TCEA2: variants seen among roughly 807,000 people sequenced by gnomAD.
TCEA2 encodes the protein transcription elongation factor A protein 2.
A neutral mutation model predicts 40.8 loss-of-function variants in TCEA2; 21 were observed. The ratio of observed to expected loss-of-function variants is 0.51; its 90% CI spans 0.36 to 0.74. The LOEUF (loss-of-function observed/expected upper bound fraction) is 0.74. Ranked by LOEUF, TCEA2 falls within the 30% of genes least tolerant of loss-of-function variation. TCEA2 has a pLI of 0.00. For missense variants in TCEA2, 326 were observed against 426.5 expected, an observed-to-expected ratio of 0.76 and a Z score of 2.08; for synonymous variants, 165 against 162.7, an observed-to-expected ratio of 1.01 and a Z score of -0.11.
At chr20:64,069,580 C>G in intron 5 of TCEA2, 89 bp downstream of exon 5, 1 of 1,559,826 alleles carries the variant, frequency 6.4e-7, no homozygotes, top group Non-Finnish European at 8.7e-7. Context: ...CTGCTTCCAG[C>G]GGGGTGACTG....
intron 1 of TCEA2, 47 bp downstream of exon 1, chr20:64,063,431 G>C (rs971125787): frequency 6.5e-7 from 1 of 1,536,452 alleles, no homozygotes; most frequent in Non-Finnish European, 8.8e-7. Context: ...GCCCCGCCGA[G>C]ACCCCGTCGA....
Position 64,063,242 on chromosome 20 carries a change from G to C in TCEA2, c.-71G>C, listed in dbSNP as rs1012612908. The C allele has an allele frequency of 7.3e-7, 1 of 1,365,294 alleles. No homozygotes were observed. Among genetic ancestry groups the C allele is most frequent in the Non-Finnish European group, 9.5e-7 (1 of 1,052,324 alleles). The allele number at this position is 1,365,294 out of a possible 1,614,324, so 84.6% of individuals were successfully genotyped here. ...TGCGGCGGGTGTGGGAGGTGGCGAC[G>C]GCCGGGGCCGGGGTCCTGCCCGGCT... On this transcript the variant is annotated 5_prime_UTR_variant, in exon 1 of 10. Coordinates refer to ENST00000343484, the MANE Select transcript of TCEA2 (RefSeq NM_003195.6).
upstream of TCEA2, chr20:64,063,196 C>T (rs2145452606): frequency 1.1e-6 from 1 of 927,450 alleles, no homozygotes. Context: ...GGTCTGTCGT[C>T]CGCGGCGGGG....
chr20:64,062,921 C>T (rs551475911), upstream of TCEA2: 70 of 158,878 alleles, frequency 4.4e-4, no homozygotes, highest in African/African-American at 1.6e-3. Context: ...GGAGCAGATT[C>T]CTGGGCCTCC....
chr20:64,069,307 G>C, intron 4 of TCEA2, 54 bp from the exon 5 acceptor site: 1 of 1,518,028 alleles, frequency 6.6e-7, no homozygotes. Flanking sequence ...CCAGTGTCTC[G>C]CTGGGGTGCC....
At chr20:64,058,690 G>T (rs1340347324), upstream of TCEA2, among the ~76,000 whole-genome samples, 1 of 152,220 alleles carries the variant, frequency 6.6e-6, no homozygotes, top group African/African-American at 2.4e-5. This position sits in a 1 kb window ranked among gnomAD's most constrained non-coding sequence, Gnocchi z 6.7. Flanking sequence ...CTTAAAGTGT[G>T]ATATCAAAAC....
At chr20:64,071,051 T>C (rs960719507) in intron 8 of TCEA2, among the ~76,000 whole-genome samples, 1 of 152,142 alleles carries the variant, frequency 6.6e-6, no homozygotes, top group Non-Finnish European at 1.5e-5. Context: ...GCAGGGACCC[T>C]GTTAAGAGGG....
At chr20:64,057,050 C>G (rs1001649322), upstream of TCEA2, 1 of 152,312 alleles carries the variant, frequency 6.6e-6, no homozygotes, top group African/African-American at 2.4e-5. Flanking sequence ...GTGAGGCTGG[C>G]TGCAGGTGAC....
Position 64,070,396 on chromosome 20 carries a change from C to A in TCEA2, c.654C>A (p.Ile218=), listed in dbSNP as rs201649005. ...VLCGAITPQQ[I]AVMTSEEMAS... ...GTGGGGCCATAACACCCCAGCAGAT[C>A]GCTGTGATGACCTCAGAGGTGAGCC... is the stretch of plus-strand genomic sequence containing the variant. Residue 218 remains isoleucine (I), a synonymous_variant, in exon 7 of 10, where the codon ATC becomes ATA. Coordinates refer to ENST00000343484, the MANE Select transcript of TCEA2 (RefSeq NM_003195.6). The A allele has an allele frequency of 6.2e-7, 1 of 1,614,180 alleles. No individual in the cohort carries two copies. Among genetic ancestry groups the A allele is most frequent in the Non-Finnish European group, 8.5e-7 (1 of 1,180,028 alleles).
chr20:64,059,671 G>A (rs939251291), upstream of TCEA2, among the ~76,000 whole-genome samples: 1 of 152,094 alleles, frequency 6.6e-6, no homozygotes, highest in African/African-American at 2.4e-5. Context: ...GGGAGTGCAA[G>A]GGGGCAGTCG....
At chr20:64,062,969 G>C (rs2059598475), upstream of TCEA2, 1 of 175,970 alleles carries the variant, frequency 5.7e-6, no homozygotes, top group African/African-American at 2.4e-5. Flanking sequence ...AGCTCTGGGA[G>C]GGGCGTGCCC....
Position 64,066,507 on chromosome 20 carries a change from A to G in TCEA2, c.104A>G (p.Lys35Arg). 6.2e-7 allele frequency: 1 copy of G among 1,613,846 alleles called. No homozygotes were observed. The highest frequency in any genetic ancestry group is 8.5e-7 in the Non-Finnish European group (1 of 1,179,876). The change falls in exon 2 of 10, where the codon AAG (lysine) becomes AGG (arginine). Residue 35 changes from lysine (K) to arginine (R), a missense_variant. Transcript: ENST00000343484. ...GCCATGGATTTGCTGCGGGAGCTGA[A>G]GGCCATGCCTATCACGCTGCACCTG... is the stretch of plus-strand genomic sequence containing the variant. ...EGAMDLLREL[K>R]AMPITLHLLQ...
upstream of TCEA2, chr20:64,063,175 T>A (rs1489541513): frequency 5.6e-6 from 4 of 716,118 alleles, no homozygotes; most frequent in Middle Eastern, 4.8e-4. Context: ...GGGCCGAGGG[T>A]TTGAACCGGG....
chr20:64,069,902 C>A, intron 6 of TCEA2, 81 bp downstream of exon 6: 1 of 1,526,582 alleles, frequency 6.6e-7, no homozygotes, highest in Non-Finnish European at 9.0e-7. Context: ...CTGGTGGCTG[C>A]TGGATGCCAC....
At chr20:64,063,737 C>T in intron 1 of TCEA2, 1 of 278,900 alleles carries the variant, frequency 3.6e-6, no homozygotes. Context: ...CGACTCCTTC[C>T]TTGGCCCTGT....
chr20:64,068,083 G>A lies in TCEA2; in HGVS notation c.278G>A (p.Gly93Asp). The part of the protein sequence containing the change: ...SDAKARERGR[G>D]MPLPTSSRDA... The stretch of plus-strand genomic sequence containing the variant: ...GCCAAAGCCAGGGAGCGGGGGAGGG[G>A]CATGCCTCTGCCCACGTCCTCGAGG... The change falls in exon 4 of 10, where the codon GGC (glycine) becomes GAC (aspartate). Residue 93 changes from glycine to aspartate, a missense_variant. Physicochemically the swap from Gly to Asp is moderately conservative, Grantham distance 94 (BLOSUM62 -1). Transcript: ENST00000343484. 6.2e-7 allele frequency: 1 copy of A among 1,608,598 alleles called. No homozygotes were observed. Among genetic ancestry groups the A allele is most frequent in the Non-Finnish European group, 8.5e-7 (1 of 1,177,916 alleles).
At chr20:64,063,108 C>G, upstream of TCEA2, 1 of 308,932 alleles carries the variant, frequency 3.2e-6, no homozygotes, top group Admixed American at 5.2e-5. Context: ...GCGGGCGCGG[C>G]GGGCGCGGCA....
upstream of TCEA2, among the ~76,000 whole-genome samples, chr20:64,055,955 G>A (rs1002408092): frequency 1.3e-4 from 20 of 152,082 alleles, no homozygotes; most frequent in Non-Finnish European, 7.4e-5. The surrounding 1 kb of genome is among the most constrained non-coding windows in gnomAD (Gnocchi z 4.0). Context: ...CCATAGCCCC[G>A]ACCCCACGGC....
Position 64,070,339 on chromosome 20 carries a change from C to T in TCEA2, c.597C>T (p.Ala199=), listed in dbSNP as rs2059800257. The T allele has an allele frequency of 2.5e-6, 4 of 1,614,208 alleles. No individual in the cohort carries two copies. In the East Asian group the frequency reaches 8.9e-5, roughly 36 times the overall value. Residue 199 remains alanine (A), a synonymous_variant, in exon 7 of 10, where the codon GCC becomes GCT. Coordinates refer to ENST00000343484, the MANE Select transcript of TCEA2 (RefSeq NM_003195.6). ...VRSRISNLKD[A]KNPDLRRNVL... ...GTCGTATCTCCAACCTGAAGGATGC[C>T]AAGAACCCTGACCTGCGGCGGAATG...
Sources: allele counts gnomAD v4.1 joint callset (sites outside exome capture counted in the v4.1 genomes callset), GRCh38; gene constraint gnomAD v4.1.1; non-coding constraint Gnocchi (gnomAD v3.1); transcripts MANE v1.5; gene names NCBI Gene and HGNC (gene_info 2026-07-23, HGNC 2026-07-21).